The following LINGO2 variants were observed in gnomAD, a reference collection of about 807,000 sequenced individuals.
LINGO2 encodes the protein leucine-rich repeat and immunoglobulin-like domain-containing nogo receptor-interacting protein 2.
LINGO2 carries 14 observed loss-of-function variants against 30.6 expected under a neutral mutation model. The ratio of observed to expected loss-of-function variants is 0.46; its 90% CI spans 0.30 to 0.72. The LOEUF (loss-of-function observed/expected upper bound fraction) is 0.72. LINGO2 is among the 30% of genes least tolerant of loss of function. LINGO2 has a pLI of 0.07. For synonymous variants in LINGO2, 317 were observed against 288.5 expected (o/e 1.10, Z -1.00); for missense variants, 729 against 751.7 (o/e 0.97, Z 0.35).
At chr9:28,593,335 G>A (rs546020712) in intron 1 of LINGO2, among the ~76,000 whole-genome samples, 1 of 152,164 alleles carries the variant, frequency 6.6e-6, no homozygotes, top group Middle Eastern at 3.4e-3. Context: ...TGAAAGGGAG[G>A]ATACTATTAT....
chr9:28,008,061 T>C (rs960021185), intron 5 of LINGO2, among the ~76,000 whole-genome samples: 3 of 152,154 alleles, frequency 2.0e-5, no homozygotes, highest in Non-Finnish European at 4.4e-5. Context: ...TTTTGTTATA[T>C]GTCCTAATGG....
the LINGO2 span, among the ~76,000 whole-genome samples, chr9:28,845,724 A>T: frequency 6.6e-6 from 1 of 151,754 alleles, no homozygotes; most frequent in African/African-American, 2.4e-5. Context: ...TGAATGTTAG[A>T]GTGTGAGAAA....
chr9:29,194,580 A>G, the LINGO2 span, among the ~76,000 whole-genome samples: 1 of 152,164 alleles, frequency 6.6e-6, no homozygotes, highest in African/African-American at 2.4e-5. Context: ...TTCAGGCAAT[A>G]GTCCCTATGA....
chr9:28,509,997 T>C (rs1820306496), intron 1 of LINGO2, among the ~76,000 whole-genome samples: 1 of 152,240 alleles, frequency 6.6e-6, no homozygotes, highest in Admixed American at 6.5e-5. Flanking sequence ...GCAGTGGCAG[T>C]TGCTCAGCTT....
At chr9:29,106,190 A>G in the LINGO2 span, among the ~76,000 whole-genome samples, 1 of 152,172 alleles carries the variant, frequency 6.6e-6, no homozygotes, top group Non-Finnish European at 1.5e-5. Context: ...TATAGTAGGT[A>G]TCTGGGTACC....
chr9:28,621,033 T>TA (rs1279579925), intron 1 of LINGO2, among the ~76,000 whole-genome samples: 1 of 152,056 alleles, frequency 6.6e-6, no homozygotes, highest in African/African-American at 2.4e-5. Flanking sequence ...TAAAAATTTA[T>TA]TTGGATATAT....
At chr9:28,997,489 T>C in the LINGO2 span, among the ~76,000 whole-genome samples, 1 of 152,174 alleles carries the variant, frequency 6.6e-6, no homozygotes, top group Non-Finnish European at 1.5e-5. Flanking sequence ...ATGTGATATA[T>C]TCTGGGTGCC....
the LINGO2 span, among the ~76,000 whole-genome samples, chr9:28,816,665 G>A: frequency 1.4e-4 from 22 of 152,078 alleles, no homozygotes; most frequent in African/African-American, 4.8e-4. Flanking sequence ...AAGTATCATA[G>A]GAGTTGCCTG....
the LINGO2 span, among the ~76,000 whole-genome samples, chr9:29,066,152 G>C: frequency 2.0e-5 from 3 of 151,810 alleles, no homozygotes; most frequent in Admixed American, 2.0e-4. Context: ...ATATTTATTA[G>C]CCATTGGATT....
chr9:28,484,207 T>A (rs1587736229), intron 1 of LINGO2, among the ~76,000 whole-genome samples: 1 of 152,016 alleles, frequency 6.6e-6, no homozygotes, highest in Non-Finnish European at 1.5e-5. Context: ...AATAAGCGAC[T>A]CAGTTTGTCC....
At chr9:28,037,188 A>G (rs1823978639) in intron 4 of LINGO2, among the ~76,000 whole-genome samples, 1 of 152,238 alleles carries the variant, frequency 6.6e-6, no homozygotes, top group African/African-American at 2.4e-5. Context: ...TGTCTACTCC[A>G]GGTACGGAGA....
chr9:28,743,716 T>G, the LINGO2 span, among the ~76,000 whole-genome samples: 1 of 151,950 alleles, frequency 6.6e-6, no homozygotes, highest in African/African-American at 2.4e-5. Context: ...TTTGTTTTTT[T>G]GTTTTCTCTT....
the LINGO2 span, among the ~76,000 whole-genome samples, chr9:28,687,848 C>T: frequency 7.1e-4 from 108 of 151,952 alleles, no homozygotes; most frequent in African/African-American, 2.6e-3. Context: ...TCCTGAAACA[C>T]GGCTATACAG....
intron 3 of LINGO2, among the ~76,000 whole-genome samples, chr9:28,339,098 G>A (rs1825682574): frequency 6.6e-6 from 1 of 151,998 alleles, no homozygotes; most frequent in African/African-American, 2.4e-5. Context: ...AATCTAATGA[G>A]ATTCTATTTA....
intron 5 of LINGO2, among the ~76,000 whole-genome samples, chr9:27,974,960 T>C (rs955390239): frequency 2.0e-5 from 3 of 152,118 alleles, no homozygotes; most frequent in African/African-American, 4.8e-5. Context: ...AGCACAATCC[T>C]AACTTATCAA....
chr9:28,733,244 T>C, the LINGO2 span, among the ~76,000 whole-genome samples: 7 of 152,196 alleles, frequency 4.6e-5, 1 homozygote, highest in African/African-American at 1.7e-4. Context: ...AAGAAATCAA[T>C]TGACTATTCC....
chr9:29,028,422 G>GT, the LINGO2 span, among the ~76,000 whole-genome samples: 7,057 of 81,448 alleles, frequency 0.087, 387 homozygotes, highest in Admixed American at 0.17. Context: ...TAGTGTGTGG[G>GT]GGGGGGTGAG....
intron 2 of LINGO2, among the ~76,000 whole-genome samples, chr9:28,427,763 A>T (rs558825991): frequency 6.6e-6 from 1 of 152,234 alleles, no homozygotes; most frequent in African/African-American, 2.4e-5. Context: ...GTTATGCATC[A>T]GGTGAAAAAG....
chr9:27,948,546 GA>G (rs1263575935), exon 6 of LINGO2: 4 of 285,946 alleles, frequency 1.4e-5, no homozygotes, highest in Non-Finnish European at 2.6e-5. Flanking sequence ...TGCAGTGGTA[GA>G]AAATGCTGAA....
Sources: allele counts gnomAD v4.1 joint callset (sites outside exome capture counted in the v4.1 genomes callset), GRCh38; gene constraint gnomAD v4.1.1; transcripts MANE v1.5; gene names NCBI Gene and HGNC (gene_info 2026-07-23, HGNC 2026-07-21).